FAM167A: variants seen among roughly 807,000 people sequenced by gnomAD.
FAM167A encodes the protein family with sequence similarity 167 member A.
In FAM167A, 23 loss-of-function variants were observed where a neutral mutation model predicts 14.9. The ratio of observed to expected loss-of-function variants is 1.55; its 90% CI spans 1.11 to 2.19. FAM167A has a LOEUF of 2.19. FAM167A is among the 30% of genes most tolerant of loss of function. The pLI, the probability that FAM167A is intolerant of heterozygous loss-of-function variation, is 0.00. For synonymous variants in FAM167A, 174 were observed against 117.7 expected, an observed-to-expected ratio of 1.48 and a Z score of -3.10; for missense variants, 401 against 281.5, an observed-to-expected ratio of 1.42 and a Z score of -3.04.
At chr8:11,452,863 C>T (rs571411885) in intron 1 of FAM167A, among the ~76,000 whole-genome samples, 3 of 152,310 alleles carry the variant, frequency 2.0e-5, no homozygotes, top group Admixed American at 6.5e-5. Flanking sequence ...CAGAGTTCAC[C>T]GAGCATCAGC....
chr8:11,469,220 A>T (rs1297721690), upstream of FAM167A, among the ~76,000 whole-genome samples: 1 of 152,238 alleles, frequency 6.6e-6, no homozygotes, highest in Non-Finnish European at 1.5e-5. Context: ...AGTGTATGCA[A>T]ATATTAGCTG....
chr8:11,450,157 G>T (rs1273326679), intron 1 of FAM167A, among the ~76,000 whole-genome samples: 2 of 152,174 alleles, frequency 1.3e-5, no homozygotes, highest in Admixed American at 6.5e-5. Context: ...CTTTCCTCCA[G>T]CCTGGAAAGC....
At chr8:11,454,479 G>T (rs962054207) in intron 1 of FAM167A, among the ~76,000 whole-genome samples, 1 of 152,204 alleles carries the variant, frequency 6.6e-6, no homozygotes, top group Non-Finnish European at 1.5e-5. Context: ...GATTTCAACC[G>T]GAGACAAAGG....
In FAM167A at chr8:11,445,821, TA is replaced by T. The variant is rs5889365; in HGVS notation, c.-397-1014del. Among the ~76,000 whole-genome samples the T allele has an allele frequency of 4.7e-3, 707 of 149,422 alleles. 7 individuals carry two copies. The highest frequency in any genetic ancestry group is 0.015 in the African/African-American group (606 of 40,628). On this transcript the variant is annotated intron_variant, in intron 1 of 2. Transcript: ENST00000284486. ...AGCCCTGGATTTTAAGGGTGTGTTT[TA>T]AAAAAAAAAATCTGTGCTGGGGGAC...
At chr8:11,431,291 T>G (rs546597343) in intron 2 of FAM167A, among the ~76,000 whole-genome samples, 2 of 152,362 alleles carry the variant, frequency 1.3e-5, no homozygotes, top group Admixed American at 1.3e-4. Context: ...AGCCAGACAC[T>G]AAAGGCCAAA....
At chr8:11,470,800 T>C (rs1397326788), upstream of FAM167A, among the ~76,000 whole-genome samples, 2 of 152,014 alleles carry the variant, frequency 1.3e-5, no homozygotes, top group Non-Finnish European at 2.9e-5. Flanking sequence ...GTCTCTGCTG[T>C]TTTCCTGTGA....
In FAM167A at chr8:11,444,403, C is replaced by A; in HGVS notation, c.9G>T (p.Val3=). The A allele has an allele frequency of 1.3e-6, 2 of 1,547,436 alleles. No individual in the cohort carries two copies. Among genetic ancestry groups the A allele is most frequent in the Non-Finnish European group, 1.7e-6 (2 of 1,147,084 alleles). Residue 3 remains valine, a synonymous_variant, in exon 2 of 3, where the codon GTG becomes GTT. Transcript: ENST00000284486. MS[V]PQIHVEEVGA... The stretch of plus-strand genomic sequence containing the variant: ...CCACTTCTTCCACGTGGATCTGGGG[C>A]ACAGACATTCTACAGTCTGCCCTGG...
chr8:11,430,742 G>C (rs915696651), intron 2 of FAM167A, among the ~76,000 whole-genome samples: 1 of 152,188 alleles, frequency 6.6e-6, no homozygotes, highest in Non-Finnish European at 1.5e-5. Flanking sequence ...GCTTTACGTG[G>C]TGAGGGGAGG....
chr8:11,428,764 C>T (rs527379076), intron 2 of FAM167A, among the ~76,000 whole-genome samples: 9 of 152,342 alleles, frequency 5.9e-5, no homozygotes, highest in African/African-American at 2.2e-4. Flanking sequence ...TGGGCCCATG[C>T]TCGGCTGCTC....
At position 11,445,436 on chromosome 8, in the gene FAM167A, C is replaced by G. The variant is rs1018599102; in HGVS notation, c.-397-628G>C. 33 of 985,722 alleles carry G rather than the reference C, an allele frequency of 3.3e-5. No homozygotes were observed. In the African/African-American group the frequency reaches 5.2e-4, roughly 16 times the overall value. 61.1% of individuals were successfully genotyped at this position (985,722 alleles called of 1,614,324 possible). On this transcript the variant is annotated intron_variant, in intron 1 of 2. Transcript: ENST00000284486. ...ACACCTTACCTCACCTCTTCAGAGA[C>G]AGAAGCAAATAAACCTGCAGCTGTG...
At chr8:11,430,392 GT>G (rs979930858) in intron 2 of FAM167A, among the ~76,000 whole-genome samples, 1 of 152,170 alleles carries the variant, frequency 6.6e-6, no homozygotes, top group Non-Finnish European at 1.5e-5. Flanking sequence ...ACAGATGTTT[GT>G]TTTTTTGGGG....
In FAM167A at chr8:11,444,084, G is replaced by C. The variant is rs369671378; in HGVS notation, c.328C>G (p.Leu110Val). 3 of 1,613,480 alleles carry C rather than the reference G, an allele frequency of 1.9e-6. No individual in the cohort carries two copies. Among genetic ancestry groups the C allele is most frequent in the Non-Finnish European group, 2.5e-6 (3 of 1,180,032 alleles). ...QGARPLSTGKLEGFQSIDEAI... is the reference protein window; with the variant it reads ...QGARPLSTGKVEGFQSIDEAI... Reference sequence around the variant, plus strand: ...TCATCGATGCTCTGAAAGCCTTCCAGCTTGCCAGTGGACAGGGGTCTGGCA... The same window carrying C: ...TCATCGATGCTCTGAAAGCCTTCCACCTTGCCAGTGGACAGGGGTCTGGCA... Residue 110 changes from leucine to valine, a missense_variant, in exon 2 of 3, where the codon CTG becomes GTG. Leu to Val is a conservative substitution (Grantham distance 32). Coordinates refer to ENST00000284486, the MANE Select transcript of FAM167A (RefSeq NM_053279.3).
At chr8:11,429,125 C>T (rs982810089) in intron 2 of FAM167A, among the ~76,000 whole-genome samples, 4 of 152,252 alleles carry the variant, frequency 2.6e-5, no homozygotes, top group South Asian at 2.1e-4. Context: ...AACTCCCCAT[C>T]CCCCTCCTCC....
At chr8:11,472,035 G>T (rs899364), upstream of FAM167A, among the ~76,000 whole-genome samples, 50,095 of 152,162 alleles carry the variant, frequency 0.33, 9,030 homozygotes, top group African/African-American at 0.44. Context: ...GTCAAGGCAG[G>T]AGGAAAGAAC....
intron 1 of FAM167A, among the ~76,000 whole-genome samples, chr8:11,459,394 A>G (rs1269151308): frequency 2.0e-5 from 3 of 152,270 alleles, no homozygotes; most frequent in Non-Finnish European, 4.4e-5. Context: ...TATAGTACTT[A>G]CAAGTCCAGT....
chr8:11,449,674 G>A (rs1161883103), intron 1 of FAM167A, among the ~76,000 whole-genome samples: 2 of 152,228 alleles, frequency 1.3e-5, no homozygotes, highest in Non-Finnish European at 2.9e-5. Flanking sequence ...AGCAGCAGTG[G>A]GGACAAGCCC....
intron 2 of FAM167A, among the ~76,000 whole-genome samples, chr8:11,433,382 T>A (rs1805755183): frequency 6.6e-6 from 1 of 152,044 alleles, no homozygotes; most frequent in Non-Finnish European, 1.5e-5. Flanking sequence ...CCCGAAACCC[T>A]ATTAATAGTT....
chr8:11,436,585 C>T (rs1585244933), intron 2 of FAM167A, among the ~76,000 whole-genome samples: 1 of 152,224 alleles, frequency 6.6e-6, no homozygotes, highest in East Asian at 1.9e-4. Flanking sequence ...GCACGGCCTT[C>T]TCAATTCCAC....
At chr8:11,442,988 T>G (rs1219499020) in intron 2 of FAM167A, among the ~76,000 whole-genome samples, 1 of 152,180 alleles carries the variant, frequency 6.6e-6, no homozygotes, top group Non-Finnish European at 1.5e-5. Context: ...TTTTCGGGAT[T>G]CTGCAAAACA....
Sources: gnomAD v4.1 joint callset for allele counts (sites outside exome capture counted in the v4.1 genomes callset) on GRCh38, gnomAD v4.1.1 for gene constraint, MANE v1.5 for transcripts, NCBI Gene and HGNC (gene_info 2026-07-23, HGNC 2026-07-21) for gene names.